The following IGDCC4 variants were observed in gnomAD, a reference collection of about 807,000 sequenced individuals.
IGDCC4 encodes the protein immunoglobulin superfamily DCC subclass member 4.
Under a neutral mutation model 116.6 loss-of-function variants are expected in IGDCC4, and 72 were observed. The observed-to-expected ratio is 0.62, with a 90% confidence interval of 0.51 to 0.75. The LOEUF (loss-of-function observed/expected upper bound fraction) is 0.75. Among genes scored for constraint, IGDCC4 ranks in the 30% least tolerant of loss-of-function variants. IGDCC4 has a pLI of 0.00. For synonymous variants in IGDCC4, 709 were observed against 719.9 expected (o/e 0.98, Z 0.24); for missense variants, 1,501 against 1,662.4 (o/e 0.90, Z 1.69).
At chr15:65,386,719 A>C in intron 16 of IGDCC4, 63 bp from the exon 17 acceptor site, 1 of 1,283,838 alleles carries the variant, frequency 7.8e-7, no homozygotes, top group South Asian at 1.3e-5. Flanking sequence ...GGCATAGATC[A>C]GGACTATCCA....
intron 4 of IGDCC4, 109 bp downstream of exon 4, chr15:65,402,242 A>T: frequency 7.7e-7 from 1 of 1,297,942 alleles, no homozygotes; most frequent in African/African-American, 1.5e-5. Context: ...TGGGACTAAC[A>T]TTTATCACCT....
At chr15:65,404,021 A>G (rs2063017253) in intron 3 of IGDCC4, among the ~76,000 whole-genome samples, 1 of 152,042 alleles carries the variant, frequency 6.6e-6, no homozygotes, top group Admixed American at 6.5e-5. Flanking sequence ...TCTGGGATGT[A>G]GGCTGGGCCA....
intron 1 of IGDCC4, among the ~76,000 whole-genome samples, chr15:65,417,571 C>T (rs2063155938): frequency 6.6e-6 from 1 of 152,206 alleles, no homozygotes; most frequent in East Asian, 1.9e-4. Context: ...AACGCTGGCA[C>T]CCCCATCATC....
At chr15:65,417,038 T>C (rs2063151582) in intron 1 of IGDCC4, among the ~76,000 whole-genome samples, 1 of 152,150 alleles carries the variant, frequency 6.6e-6, no homozygotes, top group Non-Finnish European at 1.5e-5. Context: ...ATGGCTCCTT[T>C]ATTAAGCCAG....
intron 2 of IGDCC4, chr15:65,410,587 GAA>G: frequency 1.9e-6 from 1 of 524,484 alleles, no homozygotes; most frequent in Admixed American, 3.2e-5. Flanking sequence ...CTTCTGGCCT[GAA>G]AGTTACTTCA....
intron 5 of IGDCC4, among the ~76,000 whole-genome samples, chr15:65,398,876 C>T (rs1304694700): frequency 2.6e-5 from 4 of 152,018 alleles, no homozygotes; most frequent in East Asian, 1.9e-4. Context: ...GGCGACAGAG[C>T]GAGACTCTGT....
chr15:65,391,754 G>T (rs866365669), intron 12 of IGDCC4, 126 bp downstream of exon 12: 10 of 772,256 alleles, frequency 1.3e-5, no homozygotes, highest in South Asian at 1.1e-4. Context: ...TAGGAGAATG[G>T]GTTTGGGCAT....
At chr15:65,410,441 G>T in intron 2 of IGDCC4, 122 bp from the exon 3 acceptor site, 1 of 1,184,266 alleles carries the variant, frequency 8.4e-7, no homozygotes, top group Non-Finnish European at 1.2e-6. Flanking sequence ...GAAACACACA[G>T]CAGAGCCAAT....
intron 3 of IGDCC4, among the ~76,000 whole-genome samples, chr15:65,407,775 C>G (rs1330860603): frequency 6.6e-6 from 1 of 150,794 alleles, no homozygotes; most frequent in African/African-American, 2.5e-5. Flanking sequence ...TACAGGCATG[C>G]GTCACCACGC....
At position 65,384,766 on chromosome 15, in the gene IGDCC4, G is replaced by T. The variant is rs973923302; in HGVS notation, c.3342+188C>A. 1 of 738,708 alleles carries T rather than the reference G, an allele frequency of 1.4e-6. No homozygotes were observed. The highest frequency in any genetic ancestry group is 2.1e-6 in the Non-Finnish European group (1 of 468,962). The allele number at this position is 738,708 out of a possible 1,614,324, so 45.8% of individuals were successfully genotyped here. ...GGAGGGGCTGTTTTCAACCCAGGTT[G>T]AAACAGGTTCCTGCAAACTGGCCTG... On this transcript the variant is annotated intron_variant, in intron 19 of 19. Transcript: ENST00000352385. The surrounding 1 kb of genome is among the most constrained non-coding windows in gnomAD (Gnocchi z 4.9).
chr15:65,395,808 C>T lies in IGDCC4; in HGVS notation c.1353G>A (p.Arg451=). ...SSSAVLVAWE[R]PEMHSEQIIG... ...TGATCTGCTCGCTGTGCATCTCGGG[C>T]CGCTCCCAGGCCACCAACACAGCGG... Residue 451 remains arginine, a synonymous_variant, in exon 7 of 20, where the codon CGG becomes CGA. Transcript: ENST00000352385. 6.7e-7 allele frequency: 1 copy of T among 1,501,958 alleles called. No homozygotes were observed. The highest frequency in any genetic ancestry group is 8.9e-7 in the Non-Finnish European group (1 of 1,121,654). The allele number at this position is 1,501,958 out of a possible 1,614,324, so 93.0% of individuals were successfully genotyped here.
Position 65,392,197 on chromosome 15 carries a change from C to A in IGDCC4, c.2059G>T (p.Ala687Ser), listed in dbSNP as rs1428393985. Residue 687 changes from alanine to serine, a missense_variant, in exon 11 of 20, where the codon GCT (alanine) becomes TCT (serine). Physicochemically the swap from Ala to Ser is moderately conservative, Grantham distance 99 (BLOSUM62 1). Around this residue, in one of 3 missense-constraint regions of IGDCC4, gnomAD observed 898 missense variants for 978.9 expected, o/e 0.92. Transcript: ENST00000352385. ...DRLPGGRGDQ[A>S]WDVGPVRLKK... ...AGCCGGACAGGCCCCACATCCCAAG[C>A]CTGGTCTCCACGGCCCCCTGGCAGG... The A allele has an allele frequency of 1.9e-6, 3 of 1,613,832 alleles. No individual in the cohort carries two copies. Among genetic ancestry groups the A allele is most frequent in the Admixed American group, 1.7e-5 (1 of 59,986 alleles).
At chr15:65,392,005 T>C in intron 11 of IGDCC4, 24 bp from the exon 12 acceptor site, 1 of 1,590,914 alleles carries the variant, frequency 6.3e-7, no homozygotes, top group African/African-American at 1.3e-5. Flanking sequence ...CAGGGCTTAA[T>C]GGCTAGGGGG....
At chr15:65,416,136 C>CTTTTTT (rs60072640) in intron 1 of IGDCC4, among the ~76,000 whole-genome samples, 21 of 77,604 alleles carry the variant, frequency 2.7e-4, no homozygotes, top group African/African-American at 5.3e-4. Context: ...AATGTTTTGA[C>CTTTTTT]TTTTTTTTTT....
At chr15:65,421,827 G>A (rs560678613) in intron 1 of IGDCC4, among the ~76,000 whole-genome samples, 4 of 151,616 alleles carry the variant, frequency 2.6e-5, no homozygotes, top group African/African-American at 9.7e-5. Context: ...GCCCCCAAAC[G>A]CACACCGGAC....
Position 65,393,673 on chromosome 15 carries a change from T to G in IGDCC4, c.1715-142A>C. 2.5e-6 allele frequency: 2 copies of G among 786,820 alleles called. No homozygotes were observed. The highest frequency in any genetic ancestry group is 2.8e-5 in the East Asian group (1 of 35,160). 48.7% of individuals were successfully genotyped at this position (786,820 alleles called of 1,614,324 possible). On this transcript the variant is annotated intron_variant, in intron 9 of 19. Coordinates refer to ENST00000352385, the MANE Select transcript of IGDCC4 (RefSeq NM_020962.3). This position sits in a 1 kb window ranked among gnomAD's most constrained non-coding sequence, Gnocchi z 4.6. ...GGCGTTCTCAGCACTGACCCCTCAG[T>G]GCCTGGGCAGATTCTATGGCTCCAG...
chr15:65,394,024 A>G (rs1167606340), intron 9 of IGDCC4, among the ~76,000 whole-genome samples: 1 of 152,006 alleles, frequency 6.6e-6, no homozygotes, highest in African/African-American at 2.4e-5. Flanking sequence ...TTTCTGAGAC[A>G]GAGTTTTGCT....
Position 65,385,369 on chromosome 15 carries a change from C to CGGGGAG in IGDCC4, c.3181-260_3181-255dup, listed in dbSNP as rs1196859307. 7.7e-5 allele frequency: 43 copies of CGGGGAG among 555,330 alleles called. No individual in the cohort carries two copies. The African/African-American group carries it at 7.9e-4, about 10-fold the overall frequency. 34.4% of individuals were successfully genotyped at this position (555,330 alleles called of 1,614,324 possible). ...CAAAGCCCGCGGTGTCCGAGCCAGG[C>CGGGGAG]GGGGAGAGGGTGAGGGAGGACGGGT... On this transcript the variant is annotated intron_variant, in intron 18 of 19. Transcript: ENST00000352385.
Position 65,411,091 on chromosome 15 carries a change from C to A in IGDCC4, c.350G>T (p.Gly117Val), listed in dbSNP as rs779508912. 1.9e-6 allele frequency: 3 copies of A among 1,614,206 alleles called. No homozygotes were observed. The highest frequency in any genetic ancestry group is 1.1e-5 in the South Asian group (1 of 91,090). Reference sequence around the variant, plus strand: ...GCCGTGGGCTAGGCACGAATAGTTGCCTTCAATGACCCCCACAGCCTCAGG... The same window carrying A: ...GCCGTGGGCTAGGCACGAATAGTTGACTTCAATGACCCCCACAGCCTCAGG... ...SVPEAVGVIE[G>V]NYSCLAHGPL... is the part of the protein sequence containing the mutation. The change falls in exon 2 of 20, where the codon GGC (glycine) becomes GTC (valine). Residue 117 changes from glycine (G) to valine (V), a missense_variant. By Grantham distance (109) the Gly-to-Val change is moderately radical. This residue lies in a region of IGDCC4 where 898 missense variants were observed against 978.9 expected (regional missense o/e 0.92). Coordinates refer to ENST00000352385, the MANE Select transcript of IGDCC4 (RefSeq NM_020962.3).
Sources: gnomAD v4.1 joint callset for allele counts (sites outside exome capture counted in the v4.1 genomes callset) on GRCh38, gnomAD v4.1.1 for gene constraint, gnomAD v4.1.1 regional missense constraint, Gnocchi (gnomAD v3.1) non-coding constraint, MANE v1.5 for transcripts, NCBI Gene and HGNC (gene_info 2026-07-23, HGNC 2026-07-21) for gene names.